ARHGAP32: variants seen among roughly 807,000 people sequenced by gnomAD.
The protein encoded by ARHGAP32 is rho GTPase-activating protein 32.
ARHGAP32 carries 51 observed loss-of-function variants against 186.5 expected under a neutral mutation model. The observed-to-expected ratio is 0.27, with a 90% confidence interval of 0.22 to 0.35. The LOEUF (loss-of-function observed/expected upper bound fraction) is 0.35. Among genes scored for constraint, ARHGAP32 ranks in the 10% least tolerant of loss-of-function variants. The pLI, the probability that ARHGAP32 is intolerant of heterozygous loss-of-function variation, is 1.00. For missense variants in ARHGAP32, 2,186 were observed against 2,623.5 expected (o/e 0.83, Z 3.64); for synonymous variants, 950 against 964.3 (o/e 0.99, Z 0.27).
chr11:129,027,135 C>A (rs1473992427), intron 11 of ARHGAP32, among the ~76,000 whole-genome samples: 2 of 151,770 alleles, frequency 1.3e-5, no homozygotes, highest in Non-Finnish European at 2.9e-5. Context: ...ATGATTCAAT[C>A]CCTTCACAGC....
intron 1 of ARHGAP32, among the ~76,000 whole-genome samples, chr11:129,211,084 A>C (rs1192046728): frequency 1.3e-5 from 2 of 152,084 alleles, no homozygotes; most frequent in African/African-American, 4.8e-5. Flanking sequence ...TCAAACCTTC[A>C]ATGCATCCCT....
At chr11:129,237,237 T>C (rs1192782817) in intron 1 of ARHGAP32, among the ~76,000 whole-genome samples, 1 of 152,216 alleles carries the variant, frequency 6.6e-6, no homozygotes, top group African/African-American at 2.4e-5. Context: ...TATTTTCTTA[T>C]TTTCATTTTG....
intron 2 of ARHGAP32, among the ~76,000 whole-genome samples, chr11:129,134,931 G>C (rs541342966): frequency 1.1e-4 from 17 of 152,142 alleles, no homozygotes; most frequent in Non-Finnish European, 4.4e-5. Context: ...CCAAAACTAT[G>C]AGCAATAAAT....
chr11:129,061,214 C>A (rs980205849), intron 10 of ARHGAP32, among the ~76,000 whole-genome samples: 1 of 151,754 alleles, frequency 6.6e-6, no homozygotes, highest in Non-Finnish European at 1.5e-5. Context: ...ATAAGTAGAC[C>A]ACAAAAAACC....
Position 128,969,010 on chromosome 11 carries a change from G to C in ARHGAP32, c.6203C>G (p.Pro2068Arg), listed in dbSNP as rs781407004. ...AGCATAGGTCCTGCTCTGTGGATGG[G>C]GAAAGCCAGGGGGCACATACGTCCC... Reference protein sequence around the residue: ...GMGTYVPPGFPHPQSRTYATA... With the variant: ...GMGTYVPPGFRHPQSRTYATA... The change falls in exon 23 of 23, where the codon CCC becomes CGC. Residue 2068 changes from proline (P) to arginine (R), a missense_variant. Physicochemically the swap from Pro to Arg is moderately radical, Grantham distance 103. This residue lies in a region of ARHGAP32 where 1,502 missense variants were observed against 1,570.0 expected (regional missense o/e 0.96). Transcript: ENST00000682385. The surrounding 1 kb of genome is among the most constrained non-coding windows in gnomAD (Gnocchi z 4.8). 1 of 1,610,592 alleles carries C rather than the reference G, an allele frequency of 6.2e-7. No individual in the cohort carries two copies. The highest frequency in any genetic ancestry group is 8.5e-7 in the Non-Finnish European group (1 of 1,177,726).
At chr11:129,029,053 A>AT (rs1348010086) in intron 11 of ARHGAP32, among the ~76,000 whole-genome samples, 2 of 152,168 alleles carry the variant, frequency 1.3e-5, no homozygotes, top group Non-Finnish European at 1.5e-5. Context: ...AAATTAAAAG[A>AT]TTTTTTTAAA....
intron 1 of ARHGAP32, among the ~76,000 whole-genome samples, chr11:129,244,207 A>C (rs117012539): frequency 6.6e-6 from 1 of 152,326 alleles, no homozygotes; most frequent in East Asian, 1.9e-4. Context: ...AGATAAGAAA[A>C]CTGAGTCAGA....
intron 2 of ARHGAP32, among the ~76,000 whole-genome samples, chr11:129,129,160 CGTCT>C (rs1298178223): frequency 1.3e-5 from 2 of 151,992 alleles, no homozygotes; most frequent in Admixed American, 1.3e-4. Flanking sequence ...CCGGCCGCCC[CGTCT>C]GAGAAGTGAG....
At chr11:129,219,139 G>C (rs1365678737) in intron 1 of ARHGAP32, among the ~76,000 whole-genome samples, 1 of 152,166 alleles carries the variant, frequency 6.6e-6, no homozygotes. Context: ...TTATGATCTT[G>C]AGAACCTGAT....
chr11:129,188,914 C>CCA (rs1407492331), intron 1 of ARHGAP32, among the ~76,000 whole-genome samples: 1 of 152,070 alleles, frequency 6.6e-6, no homozygotes, highest in East Asian at 1.9e-4. Flanking sequence ...GTCTATCAGC[C>CCA]CATAACGTGG....
At chr11:129,100,437 G>A (rs755576600) in intron 5 of ARHGAP32, among the ~76,000 whole-genome samples, 4 of 152,090 alleles carry the variant, frequency 2.6e-5, no homozygotes, top group Non-Finnish European at 5.9e-5. Flanking sequence ...GCTGCAGAGG[G>A]GTGGCATCTA....
At chr11:129,255,535 C>T (rs554383769) in intron 1 of ARHGAP32, among the ~76,000 whole-genome samples, 12 of 152,098 alleles carry the variant, frequency 7.9e-5, no homozygotes, top group African/African-American at 2.9e-4. Context: ...ACATGATACA[C>T]TGGACTATAT....
At chr11:129,193,686 A>AT (rs1944342738), upstream of ARHGAP32, among the ~76,000 whole-genome samples, 1 of 34,610 alleles carries the variant, frequency 2.9e-5, no homozygotes, top group African/African-American at 1.1e-4. Context: ...TATATAATAT[A>AT]TATTATATAA....
intron 11 of ARHGAP32, 37 bp from the exon 12 acceptor site, chr11:128,998,505 C>A (rs759024117): frequency 1.4e-6 from 2 of 1,466,994 alleles, no homozygotes; most frequent in Admixed American, 4.3e-5. Context: ...TTAGTTGTGG[C>A]AAGAGGTTAC....
chr11:129,009,903 T>C (rs984635566), intron 11 of ARHGAP32, among the ~76,000 whole-genome samples: 3 of 152,226 alleles, frequency 2.0e-5, no homozygotes, highest in Admixed American at 2.0e-4. Flanking sequence ...CACTGTCTTC[T>C]GCAATGGTTG....
chr11:129,234,188 T>A (rs1451506579), intron 1 of ARHGAP32, among the ~76,000 whole-genome samples: 1 of 152,128 alleles, frequency 6.6e-6, no homozygotes, highest in Non-Finnish European at 1.5e-5. Context: ...ACATTAAAGT[T>A]TTTAAATAAG....
chr11:129,206,764 T>TA lies in ARHGAP32; in HGVS notation c.-4-42338dup, dbSNP rs537153770. 6.4e-3 allele frequency among the ~76,000 whole-genome samples: 970 copies of TA among 151,994 alleles called. 12 individuals are homozygous for TA. The highest frequency in any genetic ancestry group is 0.022 in the African/African-American group (927 of 41,440). On this transcript the variant is annotated intron_variant, in intron 1 of 6. Coordinates refer to the ARHGAP32 transcript ENST00000525234. Reference sequence around the variant, plus strand: ...CCTGTAAGCCATTCTTTTTTTTTTTTATGAATATACTTTAAGTTCTGGGGT... The same window carrying TA: ...CCTGTAAGCCATTCTTTTTTTTTTTTAATGAATATACTTTAAGTTCTGGGGT...
At chr11:129,000,453 G>A (rs1429145517) in intron 11 of ARHGAP32, among the ~76,000 whole-genome samples, 1 of 152,110 alleles carries the variant, frequency 6.6e-6, no homozygotes, top group Non-Finnish European at 1.5e-5. Context: ...GATGATTACT[G>A]AGAGTCTTAC....
intron 10 of ARHGAP32, among the ~76,000 whole-genome samples, chr11:129,054,646 A>G (rs2135099629): frequency 6.6e-6 from 1 of 152,350 alleles, no homozygotes; most frequent in East Asian, 1.9e-4. Flanking sequence ...TCATTTACAG[A>G]CAAGAACACA....
Sources: allele counts gnomAD v4.1 joint callset (sites outside exome capture counted in the v4.1 genomes callset), GRCh38; gene constraint gnomAD v4.1.1; regional missense constraint gnomAD v4.1.1; non-coding constraint Gnocchi (gnomAD v3.1); transcripts MANE v1.5; gene names NCBI Gene and HGNC (gene_info 2026-07-23, HGNC 2026-07-21).